SLC25A21: variants seen among roughly 807,000 people sequenced by gnomAD.
SLC25A21 encodes mitochondrial 2-oxodicarboxylate carrier.
Under a neutral mutation model 43.8 loss-of-function variants are expected in SLC25A21, and 47 were observed. The observed-to-expected ratio is 1.07, with a 90% CI of 0.85 to 1.37. The LOEUF (loss-of-function observed/expected upper bound fraction) is 1.37, where lower values mean the gene tolerates loss of function less well. Among genes scored for constraint, SLC25A21 ranks in the 40% most tolerant of loss-of-function variants. The pLI, the probability that SLC25A21 is intolerant of heterozygous loss-of-function variation, is 0.00. For missense variants in SLC25A21, 352 were observed against 350.2 expected (o/e 1.00, Z -0.04); for synonymous variants, 131 against 121.3 (o/e 1.08, Z -0.52).
intron 1 of SLC25A21, among the ~76,000 whole-genome samples, chr14:36,925,454 C>T (rs778489607): frequency 2.6e-5 from 4 of 152,140 alleles, no homozygotes; most frequent in Non-Finnish European, 5.9e-5. Flanking sequence ...ATGTCAACTT[C>T]AGAATAAAGA....
intron 1 of SLC25A21, among the ~76,000 whole-genome samples, chr14:37,081,262 G>C (rs540212888): frequency 3.3e-5 from 5 of 152,166 alleles, no homozygotes; most frequent in African/African-American, 1.2e-4. Context: ...TCTAACACTT[G>C]GGTACATCTC....
Position 36,743,728 on chromosome 14 carries a change from A to AC in SLC25A21, c.204-9156_204-9155insG, listed in dbSNP as rs774649197. Among the ~76,000 whole-genome samples, 9 of 152,298 alleles carry AC rather than the reference A, an allele frequency of 5.9e-5. No individual in the cohort carries two copies. In the East Asian group the frequency reaches 1.7e-3, roughly 29 times the overall value. ...TAGAGCAATCAGGCAAGAGAAAGAA[A>AC]TAAAAGGATCAAAATTGGAAAAGGA... is the stretch of plus-strand genomic sequence containing the variant. On this transcript the variant is annotated intron_variant, in intron 3 of 9. Coordinates refer to ENST00000331299, the MANE Select transcript of SLC25A21 (RefSeq NM_030631.4).
chr14:37,171,568 T>G (rs1002660695), intron 1 of SLC25A21, among the ~76,000 whole-genome samples: 2 of 152,214 alleles, frequency 1.3e-5, no homozygotes, highest in Non-Finnish European at 1.5e-5. Flanking sequence ...TCATAATTTA[T>G]ATTTTAAAAT....
chr14:36,805,277 G>A (rs1258448925), intron 3 of SLC25A21, among the ~76,000 whole-genome samples: 1 of 152,200 alleles, frequency 6.6e-6, no homozygotes, highest in African/African-American at 2.4e-5. Flanking sequence ...CAGTAAGTCG[G>A]AAAGTGTTGT....
intron 1 of SLC25A21, among the ~76,000 whole-genome samples, chr14:36,995,604 A>G (rs1217148845): frequency 2.0e-5 from 3 of 152,224 alleles, no homozygotes; most frequent in Non-Finnish European, 4.4e-5. Context: ...TCTAATGTTA[A>G]AAACTTTCCA....
At chr14:36,960,168 T>A (rs971476344) in intron 1 of SLC25A21, among the ~76,000 whole-genome samples, 4 of 152,216 alleles carry the variant, frequency 2.6e-5, no homozygotes, top group African/African-American at 2.4e-5. Flanking sequence ...TCTATTCACC[T>A]ATTTTCACTG....
intron 1 of SLC25A21, among the ~76,000 whole-genome samples, chr14:36,937,742 G>C (rs1892459829): frequency 6.6e-6 from 1 of 152,182 alleles, no homozygotes; most frequent in Admixed American, 6.5e-5. Context: ...CACACAGGGA[G>C]CCAGAGAAGC....
chr14:36,895,753 TGGTTTCA>T (rs1438019813), intron 1 of SLC25A21, among the ~76,000 whole-genome samples: 2 of 152,182 alleles, frequency 1.3e-5, no homozygotes, highest in Admixed American at 1.3e-4. Flanking sequence ...TTGTTCTCAT[TGGTTTCA>T]AAGAACATCT....
intron 1 of SLC25A21, among the ~76,000 whole-genome samples, chr14:37,024,222 C>T (rs1023008145): frequency 2.0e-5 from 3 of 152,080 alleles, no homozygotes; most frequent in Non-Finnish European, 4.4e-5. Context: ...CTTTTCTCTC[C>T]TTGCATTGTG....
intron 1 of SLC25A21, among the ~76,000 whole-genome samples, chr14:37,139,530 A>G (rs1450727573): frequency 1.3e-5 from 2 of 152,190 alleles, no homozygotes; most frequent in Non-Finnish European, 2.9e-5. Context: ...TTTCAATAGT[A>G]AAATATTCAA....
intron 1 of SLC25A21, among the ~76,000 whole-genome samples, chr14:36,974,494 T>C (rs1309298044): frequency 2.0e-5 from 3 of 152,214 alleles, no homozygotes; most frequent in African/African-American, 7.2e-5. Context: ...CCAAATATTC[T>C]GAAAACTCAT....
At chr14:36,893,786 T>A (rs1425894011) in intron 1 of SLC25A21, among the ~76,000 whole-genome samples, 2 of 152,188 alleles carry the variant, frequency 1.3e-5, no homozygotes, top group Non-Finnish European at 2.9e-5. Flanking sequence ...CCCAGCACCA[T>A]TTATTAAATA....
chr14:37,034,387 G>A (rs1961283231), intron 1 of SLC25A21, among the ~76,000 whole-genome samples: 2 of 152,146 alleles, frequency 1.3e-5, no homozygotes, highest in African/African-American at 4.8e-5. Context: ...ATCGTTCTCT[G>A]TCTGATCGTA....
At chr14:36,984,444 C>T (rs1960100579) in intron 1 of SLC25A21, among the ~76,000 whole-genome samples, 1 of 152,056 alleles carries the variant, frequency 6.6e-6, no homozygotes, top group African/African-American at 2.4e-5. Context: ...CAGTTTTTAA[C>T]TTCAACTTTT....
intron 3 of SLC25A21, among the ~76,000 whole-genome samples, chr14:36,748,828 T>C (rs767505095): frequency 3.9e-5 from 6 of 152,190 alleles, no homozygotes; most frequent in Non-Finnish European, 7.4e-5. Context: ...ATCTTGTAAT[T>C]AGCATGTTCA....
intron 1 of SLC25A21, among the ~76,000 whole-genome samples, chr14:37,083,110 T>C (rs1249095188): frequency 6.6e-6 from 1 of 152,210 alleles, no homozygotes; most frequent in African/African-American, 2.4e-5. Flanking sequence ...GCAGGAGTTT[T>C]GTGTGCTCTG....
intron 1 of SLC25A21, among the ~76,000 whole-genome samples, chr14:36,876,896 T>TATAGATAGATAGATAG (rs71449955): frequency 0.011 from 1,549 of 138,412 alleles, 12 homozygotes; most frequent in African/African-American, 0.023. Flanking sequence ...ATGATGGGAT[T>TATAGATAGATAGATAG]ATAGATAGAT....
intron 6 of SLC25A21, among the ~76,000 whole-genome samples, chr14:36,723,320 C>T (rs1166063987): frequency 1.3e-5 from 2 of 152,218 alleles, no homozygotes; most frequent in Admixed American, 6.5e-5. Context: ...CAAAACACCA[C>T]CTCATTTCAG....
chr14:37,036,433 T>C (rs1961328733), intron 1 of SLC25A21, among the ~76,000 whole-genome samples: 1 of 152,024 alleles, frequency 6.6e-6, no homozygotes, highest in Admixed American at 6.6e-5. Flanking sequence ...TAGCGCAACA[T>C]GTTACATTTT....
Sources: gnomAD v4.1 joint callset for allele counts (sites outside exome capture counted in the v4.1 genomes callset) on GRCh38, gnomAD v4.1.1 for gene constraint, MANE v1.5 for transcripts, NCBI Gene and HGNC (gene_info 2026-07-23, HGNC 2026-07-21) for gene names.